FAT3: variants seen among roughly 807,000 people sequenced by gnomAD.
The protein encoded by FAT3 is FAT atypical cadherin 3.
FAT3 carries 95 observed loss-of-function variants against 310.2 expected under a neutral mutation model. That is an observed-to-expected ratio of 0.31 (90% confidence interval 0.26 to 0.36). The LOEUF is 0.36. Among genes scored for constraint, FAT3 ranks in the 10% least tolerant of loss-of-function variants. The pLI is 1.00. For synonymous variants in FAT3, 2,314 were observed against 2,192.9 expected (o/e 1.06, Z -1.54); for missense variants, 5,408 against 5,715.6 (o/e 0.95, Z 1.74).
intron 1 of FAT3, among the ~76,000 whole-genome samples, chr11:92,233,063 A>G (rs16917193): frequency 0.011 from 1,632 of 152,298 alleles, 27 homozygotes; most frequent in African/African-American, 0.037. Flanking sequence ...TGTTGGATAT[A>G]TTTCTTTTTG....
intron 3 of FAT3, among the ~76,000 whole-genome samples, chr11:92,566,648 C>T (rs2135488392): frequency 6.6e-6 from 1 of 150,850 alleles, no homozygotes; most frequent in South Asian, 2.1e-4. Context: ...TACTACAAGG[C>T]TACAGTAACC....
At chr11:92,731,467 C>T (rs1306976715) in intron 4 of FAT3, among the ~76,000 whole-genome samples, 1 of 152,118 alleles carries the variant, frequency 6.6e-6, no homozygotes, top group Non-Finnish European at 1.5e-5. Context: ...CTTTCAATTC[C>T]ATCTTATAGA....
intron 3 of FAT3, among the ~76,000 whole-genome samples, chr11:92,549,643 T>C (rs1954733716): frequency 6.6e-6 from 1 of 152,220 alleles, no homozygotes; most frequent in African/African-American, 2.4e-5. Context: ...GCATTCATTA[T>C]TTAATGCTCA....
At chr11:92,698,896 G>T (rs1368964650) in intron 4 of FAT3, among the ~76,000 whole-genome samples, 1 of 152,176 alleles carries the variant, frequency 6.6e-6, no homozygotes, top group African/African-American at 2.4e-5. Context: ...AGCAGGAAGG[G>T]TGTCTCATTA....
In FAT3 at chr11:92,457,219, G is replaced by A. The variant is rs537630067; in HGVS notation, c.3293-67415G>A. On this transcript the variant is annotated intron_variant, in intron 2 of 27. Transcript: ENST00000525166. ...GATTCTATGAATTTCTGCCCTACGA[G>A]GTCAGAGAAGGGCCAACAGCTCCAT... Among the ~76,000 whole-genome samples the A allele has an allele frequency of 3.6e-4, 55 of 152,262 alleles. 2 individuals are homozygous for A. In the South Asian group the frequency reaches 0.011, roughly 30 times the overall value.
intron 3 of FAT3, among the ~76,000 whole-genome samples, chr11:92,591,735 T>C (rs907273893): frequency 2.6e-5 from 4 of 152,204 alleles, no homozygotes; most frequent in Non-Finnish European, 4.4e-5. Context: ...CAAAAAGGCA[T>C]AGAATTTTAT....
chr11:92,647,741 A>G (rs1186428746), intron 3 of FAT3, among the ~76,000 whole-genome samples: 1 of 152,106 alleles, frequency 6.6e-6, no homozygotes, highest in Non-Finnish European at 1.5e-5. Flanking sequence ...GAATTTCCTC[A>G]ATCATGTTTC....
intron 9 of FAT3, among the ~76,000 whole-genome samples, chr11:92,796,562 A>T (rs558305428): frequency 6.6e-6 from 1 of 152,308 alleles, no homozygotes; most frequent in Non-Finnish European, 1.5e-5. Context: ...CATTTAAATT[A>T]TATACCTATC....
intron 3 of FAT3, among the ~76,000 whole-genome samples, chr11:92,539,774 AAC>A (rs777893743): frequency 1.2e-4 from 19 of 152,190 alleles, no homozygotes; most frequent in Non-Finnish European, 2.4e-4. Context: ...AGTGGCATAT[AAC>A]ACACACAAAA....
intron 1 of FAT3, among the ~76,000 whole-genome samples, chr11:92,235,803 A>G (rs999445457): frequency 2.0e-5 from 3 of 152,182 alleles, no homozygotes; most frequent in Admixed American, 6.5e-5. Flanking sequence ...TCTTTCCTGT[A>G]TGTTCTAAGC....
chr11:92,307,960 AT>A (rs1277170573), intron 1 of FAT3, among the ~76,000 whole-genome samples: 1 of 152,060 alleles, frequency 6.6e-6, no homozygotes, highest in Non-Finnish European at 1.5e-5. Context: ...ATCTTTAGTA[AT>A]TTTATCAGAG....
intron 10 of FAT3, among the ~76,000 whole-genome samples, chr11:92,804,928 T>G (rs1947461675): frequency 1.3e-5 from 2 of 152,212 alleles, no homozygotes; most frequent in Admixed American, 1.3e-4. Flanking sequence ...CTAAGTGGAT[T>G]TTATTATCTT....
chr11:92,241,737 C>T (rs1771418533), intron 1 of FAT3, among the ~76,000 whole-genome samples: 1 of 151,814 alleles, frequency 6.6e-6, no homozygotes. Flanking sequence ...ATTTATCAGT[C>T]ATTAGTCTGA....
chr11:92,831,366 C>A (rs115075871), intron 13 of FAT3, among the ~76,000 whole-genome samples: 1 of 152,064 alleles, frequency 6.6e-6, no homozygotes, highest in Non-Finnish European at 1.5e-5. Context: ...TTGTGGGGGG[C>A]GAGTTGTATA....
chr11:92,673,728 T>C (rs1350909322), intron 3 of FAT3, among the ~76,000 whole-genome samples: 1 of 152,106 alleles, frequency 6.6e-6, no homozygotes, highest in Non-Finnish European at 1.5e-5. Flanking sequence ...CTTTTCAAAC[T>C]AGTCTGGACT....
intron 22 of FAT3, among the ~76,000 whole-genome samples, chr11:92,869,713 G>A (rs188968340): frequency 1.4e-3 from 208 of 152,330 alleles, no homozygotes; most frequent in Non-Finnish European, 2.3e-3. Flanking sequence ...TCATATCTAT[G>A]AAACTATGTA....
At chr11:92,299,543 A>C (rs1946936692) in intron 1 of FAT3, among the ~76,000 whole-genome samples, 1 of 152,162 alleles carries the variant, frequency 6.6e-6, no homozygotes, top group African/African-American at 2.4e-5. Flanking sequence ...GGAGGAAGAC[A>C]ATAAATACAT....
At chr11:92,416,755 T>G (rs1320837957) in intron 2 of FAT3, among the ~76,000 whole-genome samples, 2 of 152,168 alleles carry the variant, frequency 1.3e-5, no homozygotes. Flanking sequence ...TGAGATGCCC[T>G]TGTGTAGCAG....
At chr11:92,565,495 C>G (rs1955397931) in intron 3 of FAT3, among the ~76,000 whole-genome samples, 1 of 148,784 alleles carries the variant, frequency 6.7e-6, no homozygotes, top group South Asian at 2.3e-4. Flanking sequence ...TGAAACTATT[C>G]CAATCAATAG....
Sources: gnomAD v4.1 joint callset for allele counts (sites outside exome capture counted in the v4.1 genomes callset) on GRCh38, gnomAD v4.1.1 for gene constraint, MANE v1.5 for transcripts, NCBI Gene and HGNC (gene_info 2026-07-23, HGNC 2026-07-21) for gene names.